Variants in TENM3 observed in about 807,000 individuals in gnomAD.
TENM3 encodes the protein teneurin transmembrane protein 3.
TENM3 carries 63 observed loss-of-function variants against 255.1 expected under a neutral mutation model. The ratio of observed to expected loss-of-function variants is 0.25; its 90% CI spans 0.20 to 0.30. The LOEUF is 0.30. Among genes scored for constraint, TENM3 ranks in the 10% least tolerant of loss-of-function variants. The probability of loss-of-function intolerance (pLI) is 1.00; values close to 1 mark genes in which losing one functional copy is unlikely to be tolerated. For missense variants in TENM3, 2,929 were observed against 3,461.1 expected (o/e 0.85, Z 3.86); for synonymous variants, 1,306 against 1,322.3 (o/e 0.99, Z 0.27).
At chr4:182,181,892 T>G (rs1368871013) in intron 1 of TENM3, among the ~76,000 whole-genome samples, 2 of 76,928 alleles carry the variant, frequency 2.6e-5, no homozygotes, top group Non-Finnish European at 5.6e-5. Context: ...TAATGTCCTG[T>G]TTTTTTTTTT....
the TENM3 span, among the ~76,000 whole-genome samples, chr4:181,831,883 C>A: frequency 6.6e-6 from 1 of 151,452 alleles, no homozygotes; most frequent in African/African-American, 2.4e-5. Flanking sequence ...CAAAAAGATC[C>A]CAGAGTTAAT....
At chr4:182,289,896 G>A (rs6850574) in intron 1 of TENM3, among the ~76,000 whole-genome samples, 4,252 of 152,148 alleles carry the variant, frequency 0.028, 200 homozygotes, top group African/African-American at 0.096. Context: ...TAGAGATGAC[G>A]CTCAGGACCC....
the TENM3 span, among the ~76,000 whole-genome samples, chr4:182,121,435 T>A: frequency 2.6e-5 from 4 of 152,252 alleles, no homozygotes; most frequent in South Asian, 8.3e-4. Context: ...CTAAGGATAA[T>A]ACCTATGGAA....
At chr4:182,141,236 G>A (rs1185742395), upstream of TENM3, 2 of 152,242 alleles carry the variant, frequency 1.3e-5, no homozygotes, top group African/African-American at 4.8e-5. Context: ...GCGGCCAGAG[G>A]CTTGCAAAAC....
intron 1 of TENM3, among the ~76,000 whole-genome samples, chr4:182,223,649 A>C (rs1755974147): frequency 6.6e-6 from 1 of 152,232 alleles, no homozygotes; most frequent in African/African-American, 2.4e-5. Flanking sequence ...AGGCTCAGAG[A>C]CATTAAGTGC....
At chr4:182,266,532 G>A (rs781499066) in intron 1 of TENM3, among the ~76,000 whole-genome samples, 1 of 152,028 alleles carries the variant, frequency 6.6e-6, no homozygotes, top group Non-Finnish European at 1.5e-5. Context: ...AAAGTAAAGG[G>A]TTATAAAAGG....
intron 3 of TENM3, among the ~76,000 whole-genome samples, chr4:182,356,363 T>A (rs1187532077): frequency 1.3e-5 from 2 of 151,980 alleles, no homozygotes; most frequent in African/African-American, 4.8e-5. Flanking sequence ...GTGAGGATAA[T>A]GTAGGTATAG....
At chr4:182,425,762 C>T (rs879419595) in intron 3 of TENM3, among the ~76,000 whole-genome samples, 2 of 152,274 alleles carry the variant, frequency 1.3e-5, no homozygotes, top group Admixed American at 6.5e-5. Flanking sequence ...GTAATCCCAG[C>T]GCTTTCGGAG....
chr4:182,399,535 G>A (rs1200484130), intron 3 of TENM3, among the ~76,000 whole-genome samples: 1 of 152,166 alleles, frequency 6.6e-6, no homozygotes, highest in African/African-American at 2.4e-5. Context: ...CTTGGCATTA[G>A]TGATTAGTAA....
At chr4:182,404,173 A>G (rs1326757484) in intron 3 of TENM3, among the ~76,000 whole-genome samples, 1 of 152,222 alleles carries the variant, frequency 6.6e-6, no homozygotes, top group African/African-American at 2.4e-5. Flanking sequence ...CAGTAAAATA[A>G]GAATAACCAC....
At chr4:182,088,789 G>A in the TENM3 span, among the ~76,000 whole-genome samples, 13 of 151,552 alleles carry the variant, frequency 8.6e-5, no homozygotes, top group East Asian at 9.7e-4. Flanking sequence ...AGCTGAGGTC[G>A]GGCCACTGCA....
At chr4:181,677,355 C>G in the TENM3 span, among the ~76,000 whole-genome samples, 6 of 152,080 alleles carry the variant, frequency 3.9e-5, no homozygotes, top group African/African-American at 1.2e-4. Context: ...TCCTCCACCC[C>G]CTGCTCCTCT....
chr4:181,581,300 G>A, the TENM3 span, among the ~76,000 whole-genome samples: 1 of 152,120 alleles, frequency 6.6e-6, no homozygotes, highest in African/African-American at 2.4e-5. Flanking sequence ...AATTACTCTG[G>A]TGTGGTGGTG....
chr4:182,025,830 A>AT, the TENM3 span, among the ~76,000 whole-genome samples: 17 of 151,718 alleles, frequency 1.1e-4, 1 homozygote, highest in Admixed American at 8.5e-4. Context: ...TTCTTTTTTA[A>AT]TTTTTTTTAT....
At chr4:182,629,304 A>G (rs527290426) in intron 5 of TENM3, among the ~76,000 whole-genome samples, 1 of 152,292 alleles carries the variant, frequency 6.6e-6, no homozygotes, top group East Asian at 1.9e-4. Context: ...TCACTCAGCC[A>G]TCTAAATGTA....
chr4:181,811,426 AG>A, the TENM3 span, among the ~76,000 whole-genome samples: 2 of 152,212 alleles, frequency 1.3e-5, no homozygotes, highest in African/African-American at 4.8e-5. Context: ...TTGGCCAAAA[AG>A]TTATTTTGGC....
intron 3 of TENM3, among the ~76,000 whole-genome samples, chr4:182,513,953 T>C (rs942760150): frequency 2.0e-5 from 3 of 152,208 alleles, no homozygotes; most frequent in African/African-American, 7.2e-5. Context: ...ATCCTAATGC[T>C]TTTTACTCTG....
At position 182,223,125 on chromosome 4, in the gene TENM3, T is replaced by C. The variant is rs1238672400; in HGVS notation, c.-76+78371T>C. 2.6e-5 allele frequency among the ~76,000 whole-genome samples: 4 copies of C among 152,294 alleles called. No homozygotes were observed. The East Asian group carries it at 7.7e-4, about 29-fold the overall frequency. On this transcript the variant is annotated intron_variant, in intron 1 of 2. Coordinates refer to the TENM3 transcript ENST00000512480. The stretch of plus-strand genomic sequence containing the variant: ...AGAAAGAAAAAGAGAGAAGAAACTA[T>C]GGTAGGGGAAAATGAGGTGGAAAGA...
chr4:182,634,235 T>C (rs1313064300), intron 5 of TENM3, among the ~76,000 whole-genome samples: 1 of 152,176 alleles, frequency 6.6e-6, no homozygotes, highest in Admixed American at 6.5e-5. Context: ...AAAGTTTAAA[T>C]TGTGCTGTTT....
Sources: gnomAD v4.1 joint callset for allele counts (sites outside exome capture counted in the v4.1 genomes callset) on GRCh38, gnomAD v4.1.1 for gene constraint, MANE v1.5 for transcripts, NCBI Gene and HGNC (gene_info 2026-07-23, HGNC 2026-07-21) for gene names.